SKAP1: variants seen among roughly 807,000 people sequenced by gnomAD.
The protein encoded by SKAP1 is src kinase-associated phosphoprotein 1.
Under a neutral mutation model 58.5 loss-of-function variants are expected in SKAP1, and 44 were observed. The ratio of observed to expected loss-of-function variants is 0.75; its 90% CI spans 0.59 to 0.97. The LOEUF is 0.97. Ranked by LOEUF, SKAP1 falls within the 50% of genes least tolerant of loss-of-function variation. The pLI, the probability that SKAP1 is intolerant of heterozygous loss-of-function variation, is 0.00. For missense variants in SKAP1, 390 were observed against 435.2 expected, an observed-to-expected ratio of 0.90 and a Z score of 0.92; for synonymous variants, 127 against 149.7, an observed-to-expected ratio of 0.85 and a Z score of 1.11.
intron 2 of SKAP1, among the ~76,000 whole-genome samples, chr17:48,386,108 C>T (rs1396194825): frequency 6.6e-6 from 1 of 151,998 alleles, no homozygotes; most frequent in Non-Finnish European, 1.5e-5. Context: ...TCTCCTAACA[C>T]TCAGTAAAAA....
chr17:48,410,707 A>G (rs780040261), intron 1 of SKAP1, among the ~76,000 whole-genome samples: 1 of 152,058 alleles, frequency 6.6e-6, no homozygotes, highest in Non-Finnish European at 1.5e-5. Context: ...TGGGCGGATC[A>G]CTTGAGGTGA....
At chr17:48,244,082 A>C (rs1325614461) in intron 4 of SKAP1, among the ~76,000 whole-genome samples, 1 of 152,252 alleles carries the variant, frequency 6.6e-6, no homozygotes, top group Non-Finnish European at 1.5e-5. Flanking sequence ...TTCTACTTAT[A>C]ATAATGTTAG....
At chr17:48,369,178 TATA>T (rs766236239) in intron 2 of SKAP1, among the ~76,000 whole-genome samples, 1 of 145,284 alleles carries the variant, frequency 6.9e-6, no homozygotes, top group African/African-American at 2.6e-5. Context: ...AATAAATAAA[TATA>T]AAATAAAGAT....
chr17:48,168,538 TCC>T (rs2064169274), intron 10 of SKAP1, among the ~76,000 whole-genome samples: 1 of 152,178 alleles, frequency 6.6e-6, no homozygotes, highest in Admixed American at 6.5e-5. Flanking sequence ...GTGCCTGTGA[TCC>T]CAGCTACTCG....
chr17:48,334,155 T>A (rs897292714), intron 4 of SKAP1, among the ~76,000 whole-genome samples: 2 of 152,006 alleles, frequency 1.3e-5, no homozygotes, highest in African/African-American at 2.4e-5. Flanking sequence ...GACACCTTCT[T>A]ATAGCTACAC....
intron 9 of SKAP1, among the ~76,000 whole-genome samples, chr17:48,173,903 T>C (rs947279342): frequency 3.9e-5 from 6 of 152,216 alleles, no homozygotes; most frequent in Admixed American, 3.9e-4. Context: ...CATAACCTCA[T>C]TAGCATTGAT....
chr17:48,277,812 GA>G (rs1172122634), intron 4 of SKAP1, among the ~76,000 whole-genome samples: 2 of 151,976 alleles, frequency 1.3e-5, no homozygotes, highest in Non-Finnish European at 2.9e-5. Flanking sequence ...GGCTGGTCTT[GA>G]ATTCCTGGCC....
intron 1 of SKAP1, among the ~76,000 whole-genome samples, chr17:48,426,756 G>C (rs969721589): frequency 6.6e-6 from 1 of 152,160 alleles, no homozygotes; most frequent in South Asian, 2.1e-4. Context: ...TTCTATATGA[G>C]AGCTTGACAG....
intron 4 of SKAP1, among the ~76,000 whole-genome samples, chr17:48,243,622 A>G (rs567709158): frequency 2.6e-5 from 4 of 152,324 alleles, no homozygotes; most frequent in African/African-American, 9.6e-5. Context: ...GCATCAATAT[A>G]AAAAATTTAA....
chr17:48,241,966 C>G (rs1471249342), intron 4 of SKAP1, among the ~76,000 whole-genome samples: 1 of 152,154 alleles, frequency 6.6e-6, no homozygotes, highest in African/African-American at 2.4e-5. Context: ...GAATGTGCTT[C>G]CTGAATATTC....
chr17:48,325,384 T>G (rs975639630), intron 4 of SKAP1, among the ~76,000 whole-genome samples: 1 of 152,004 alleles, frequency 6.6e-6, no homozygotes, highest in African/African-American at 2.4e-5. Context: ...CCATTTATGC[T>G]CCTCATTTTT....
At chr17:48,416,899 AT>A (rs1216457682) in intron 1 of SKAP1, among the ~76,000 whole-genome samples, 2 of 152,184 alleles carry the variant, frequency 1.3e-5, no homozygotes, top group Non-Finnish European at 2.9e-5. Flanking sequence ...TTAGTGTTTA[AT>A]TTTCCTGTCC....
chr17:48,186,690 T>C (rs1250302257), intron 6 of SKAP1, among the ~76,000 whole-genome samples: 1 of 151,636 alleles, frequency 6.6e-6, no homozygotes, highest in Non-Finnish European at 1.5e-5. Flanking sequence ...CAGGTTGGTC[T>C]TGAACTCCTG....
At chr17:48,399,628 A>G (rs1379936482) in intron 1 of SKAP1, among the ~76,000 whole-genome samples, 1 of 152,040 alleles carries the variant, frequency 6.6e-6, no homozygotes, top group Non-Finnish European at 1.5e-5. Context: ...TTGGCTGGGC[A>G]TTGTGGTGCA....
At chr17:48,367,700 C>G (rs974917664) in intron 2 of SKAP1, among the ~76,000 whole-genome samples, 1 of 151,378 alleles carries the variant, frequency 6.6e-6, no homozygotes, top group Non-Finnish European at 1.5e-5. Context: ...GGAGGATTGC[C>G]CAAGCCCAGG....
At chr17:48,353,055 G>A (rs1567879425) in intron 3 of SKAP1, among the ~76,000 whole-genome samples, 1 of 151,580 alleles carries the variant, frequency 6.6e-6, no homozygotes, top group Non-Finnish European at 1.5e-5. Flanking sequence ...TAGGTATGGA[G>A]AGTAGAACTG....
intron 4 of SKAP1, among the ~76,000 whole-genome samples, chr17:48,222,562 C>A (rs1028619057): frequency 6.6e-6 from 1 of 151,834 alleles, no homozygotes; most frequent in Non-Finnish European, 1.5e-5. Context: ...TCACTGCAAC[C>A]TCCACCTCCC....
the SKAP1 span, among the ~76,000 whole-genome samples, chr17:48,440,698 C>A: frequency 1.3e-5 from 2 of 152,218 alleles, no homozygotes; most frequent in African/African-American, 4.8e-5. Context: ...TCCTCCCACC[C>A]TCAGTGGACT....
intron 11 of SKAP1, among the ~76,000 whole-genome samples, chr17:48,144,308 C>T (rs780964973): frequency 9.2e-5 from 14 of 152,248 alleles, no homozygotes; most frequent in Admixed American, 9.2e-4. Flanking sequence ...AAATTTCTAA[C>T]CTTCTCTCCC....
Sources: allele counts gnomAD v4.1 joint callset (sites outside exome capture counted in the v4.1 genomes callset), GRCh38; gene constraint gnomAD v4.1.1; transcripts MANE v1.5; gene names NCBI Gene and HGNC (gene_info 2026-07-23, HGNC 2026-07-21).